Variants in CCDC83 observed in about 807,000 individuals in gnomAD.
The protein encoded by CCDC83 is coiled-coil domain-containing protein 83.
Under a neutral mutation model 50.1 loss-of-function variants are expected in CCDC83, and 54 were observed. That is an observed-to-expected ratio of 1.08 (90% CI 0.87 to 1.35). The LOEUF (loss-of-function observed/expected upper bound fraction) is 1.35, where lower values mean the gene tolerates loss of function less well. Ranked by LOEUF, CCDC83 falls within the 40% of genes most tolerant of loss-of-function variation. CCDC83 has a pLI of 0.00. For synonymous variants in CCDC83, 161 were observed against 153.3 expected, an observed-to-expected ratio of 1.05 and a Z score of -0.37; for missense variants, 518 against 473.9, an observed-to-expected ratio of 1.09 and a Z score of -0.86.
intron 1 of CCDC83, among the ~76,000 whole-genome samples, chr11:85,859,267 C>T (rs1470035593): frequency 6.8e-6 from 1 of 147,518 alleles, no homozygotes; most frequent in Non-Finnish European, 1.5e-5. Context: ...GAGATGAACA[C>T]AAACAAATGG....
chr11:85,857,365 C>G (rs920329432), intron 1 of CCDC83, among the ~76,000 whole-genome samples: 1 of 152,236 alleles, frequency 6.6e-6, no homozygotes, highest in Admixed American at 6.5e-5. Context: ...ATTGCCAAGG[C>G]TGGCATTCCA....
At chr11:85,910,093 G>T (rs2093446366) in intron 7 of CCDC83, among the ~76,000 whole-genome samples, 1 of 152,158 alleles carries the variant, frequency 6.6e-6, no homozygotes, top group East Asian at 1.9e-4. Context: ...TCCTGTGTCT[G>T]CCCAGGGAGT....
chr11:85,856,261 G>C (rs957103056), intron 1 of CCDC83, among the ~76,000 whole-genome samples: 1 of 151,368 alleles, frequency 6.6e-6, no homozygotes, highest in Non-Finnish European at 1.5e-5. Flanking sequence ...GTATTTATCA[G>C]TCTATGTGAT....
chr11:85,889,613 T>C (rs1372290726), intron 5 of CCDC83, among the ~76,000 whole-genome samples: 1 of 152,168 alleles, frequency 6.6e-6, no homozygotes, highest in African/African-American at 2.4e-5. Context: ...CTGGACACAA[T>C]GAATATGAGC....
intron 5 of CCDC83, 141 bp downstream of exon 5, chr11:85,886,508 G>C (rs112492802): frequency 1.9e-5 from 11 of 586,256 alleles, no homozygotes; most frequent in African/African-American, 1.5e-4. Flanking sequence ...TAAGGGTAAA[G>C]GTGGAGGGAG....
At position 85,910,385 on chromosome 11, in the gene CCDC83, G is replaced by A. The variant is rs181009618; in HGVS notation, c.673-896G>A. 2.6e-5 allele frequency among the ~76,000 whole-genome samples: 4 copies of A among 152,286 alleles called. No homozygotes were observed. In the East Asian group the frequency reaches 7.7e-4, roughly 29 times the overall value. On this transcript the variant is annotated intron_variant, in intron 7 of 10. Coordinates refer to ENST00000342404, the MANE Select transcript of CCDC83 (RefSeq NM_001286159.2). ...ATATGATACAACTGAATGAATGAAC[G>A]AATGGACAAACAATATTTCATCTAC...
At chr11:85,909,352 C>T (rs934450360) in intron 7 of CCDC83, among the ~76,000 whole-genome samples, 2 of 152,098 alleles carry the variant, frequency 1.3e-5, no homozygotes, top group Non-Finnish European at 2.9e-5. Context: ...TCATCATATT[C>T]CCTCAAGACT....
chr11:85,881,524 G>A lies in CCDC83; in HGVS notation c.181-989G>A, dbSNP rs538523819. Among the ~76,000 whole-genome samples, 4 of 152,264 alleles carry A rather than the reference G, an allele frequency of 2.6e-5. No homozygotes were observed. The South Asian group carries it at 6.2e-4, about 24-fold the overall frequency. On this transcript the variant is annotated intron_variant, in intron 3 of 10. Transcript: ENST00000342404. ...TGTAACCTCAAACTCCTGGGCTAAAGTGATCCTCCCTCCTCAGCCTCCTGA... is the reference window on the plus strand; with the variant it reads ...TGTAACCTCAAACTCCTGGGCTAAAATGATCCTCCCTCCTCAGCCTCCTGA...
intron 7 of CCDC83, among the ~76,000 whole-genome samples, chr11:85,908,698 G>C (rs1345253954): frequency 6.6e-6 from 1 of 150,478 alleles, no homozygotes; most frequent in Non-Finnish European, 1.5e-5. Flanking sequence ...AAGCCCAGGA[G>C]TTTGAGACCA....
intron 2 of CCDC83, among the ~76,000 whole-genome samples, chr11:85,867,295 G>A (rs1018041499): frequency 6.6e-6 from 1 of 152,154 alleles, no homozygotes; most frequent in Non-Finnish European, 1.5e-5. Flanking sequence ...GCCTCCCAAA[G>A]TGCTGGGATT....
intron 10 of CCDC83, among the ~76,000 whole-genome samples, chr11:85,918,690 T>C (rs1478929188): frequency 1.3e-5 from 2 of 151,980 alleles, no homozygotes; most frequent in African/African-American, 2.4e-5. Context: ...ACAGAAATAG[T>C]GTGTGGTCTG....
At chr11:85,891,450 T>C (rs1407005975) in intron 5 of CCDC83, among the ~76,000 whole-genome samples, 1 of 152,132 alleles carries the variant, frequency 6.6e-6, no homozygotes, top group Non-Finnish European at 1.5e-5. Context: ...AGGTTACTTC[T>C]CCTCAATAAA....
At chr11:85,912,555 T>C (rs1184780187) in intron 8 of CCDC83, 2 of 762,766 alleles carry the variant, frequency 2.6e-6, no homozygotes, top group Non-Finnish European at 4.8e-6. Flanking sequence ...TTCCAGTCTC[T>C]TGAGCTGATG....
intron 3 of CCDC83, among the ~76,000 whole-genome samples, chr11:85,880,382 G>A (rs1218376058): frequency 6.6e-6 from 1 of 151,900 alleles, no homozygotes; most frequent in East Asian, 1.9e-4. Context: ...AACCTTCTGG[G>A]CTCCCACCTC....
chr11:85,861,998 TAAAAAAAA>T (rs34372795), intron 1 of CCDC83, among the ~76,000 whole-genome samples: 10 of 94,844 alleles, frequency 1.1e-4, no homozygotes, highest in Admixed American at 1.2e-4. Flanking sequence ...CCTGTCTCAT[TAAAAAAAA>T]AAAAAAAAAA....
chr11:85,915,528 T>C lies in CCDC83; in HGVS notation c.874+30T>C, dbSNP rs775183204. The C allele has an allele frequency of 6.7e-6, 10 of 1,484,098 alleles. No homozygotes were observed. The South Asian group carries it at 7.1e-5, about 11-fold the overall frequency. 91.9% of individuals were successfully genotyped at this position (1,484,098 alleles called of 1,614,324 possible). ...TACTTTATTGCAATAATGATGATGA[T>C]TTTTTTCAAACTCTTGTTTTTCAAT... On this transcript the variant is annotated intron_variant, in intron 9 of 10. Transcript: ENST00000342404.
At chr11:85,918,208 A>G (rs1234844849) in intron 10 of CCDC83, among the ~76,000 whole-genome samples, 2 of 152,254 alleles carry the variant, frequency 1.3e-5, no homozygotes, top group Non-Finnish European at 2.9e-5. Context: ...AGAGAACAGC[A>G]AGAAATGAAA....
At chr11:85,868,043 A>G (rs1474655557) in intron 2 of CCDC83, among the ~76,000 whole-genome samples, 1 of 152,182 alleles carries the variant, frequency 6.6e-6, no homozygotes, top group Non-Finnish European at 1.5e-5. Context: ...CGCCTCTTAT[A>G]TCTCTCTCAG....
chr11:85,911,648 G>C (rs1350474566), intron 8 of CCDC83, among the ~76,000 whole-genome samples: 1 of 152,150 alleles, frequency 6.6e-6, no homozygotes, highest in East Asian at 1.9e-4. Context: ...CACATAACAT[G>C]AACATCATAA....
Sources: allele counts gnomAD v4.1 joint callset (sites outside exome capture counted in the v4.1 genomes callset), GRCh38; gene constraint gnomAD v4.1.1; transcripts MANE v1.5; gene names NCBI Gene and HGNC (gene_info 2026-07-23, HGNC 2026-07-21).